Variants in GTF2A1 observed in about 807,000 individuals in gnomAD.
The protein encoded by GTF2A1 is transcription initiation factor IIA subunit 1.
A neutral mutation model predicts 54.1 loss-of-function variants in GTF2A1; 12 were observed. That is an observed-to-expected ratio of 0.22 (90% CI 0.14 to 0.36). The LOEUF (loss-of-function observed/expected upper bound fraction) is 0.36, where lower values mean the gene tolerates loss of function less well. Ranked by LOEUF, GTF2A1 falls within the 10% of genes least tolerant of loss-of-function variation. The pLI is 1.00. For synonymous variants in GTF2A1, 145 were observed against 152.0 expected (o/e 0.95, Z 0.34); for missense variants, 335 against 442.2 (o/e 0.76, Z 2.17).
At chr14:81,207,842 G>A (rs1298638357) in intron 2 of GTF2A1, among the ~76,000 whole-genome samples, 2 of 152,220 alleles carry the variant, frequency 1.3e-5, no homozygotes, top group African/African-American at 4.8e-5. Context: ...AGAGATTTGT[G>A]GAACTTTGAA....
chr14:81,207,530 C>A (rs1467043576), intron 2 of GTF2A1, among the ~76,000 whole-genome samples: 1 of 152,024 alleles, frequency 6.6e-6, no homozygotes. Context: ...TAAACTGGTA[C>A]CAGTAGAGTC....
intron 2 of GTF2A1, among the ~76,000 whole-genome samples, chr14:81,204,457 C>T (rs1310206946): frequency 1.3e-5 from 2 of 152,038 alleles, no homozygotes; most frequent in Non-Finnish European, 2.9e-5. Flanking sequence ...AAAACCATTA[C>T]TAAACTATTT....
intron 7 of GTF2A1, among the ~76,000 whole-genome samples, chr14:81,187,395 A>G (rs1892774465): frequency 6.6e-6 from 1 of 152,164 alleles, no homozygotes. Flanking sequence ...ATTCAAGTTA[A>G]CAACATTCAC....
chr14:81,216,891 G>A (rs1427496389), intron 1 of GTF2A1, among the ~76,000 whole-genome samples: 1 of 152,136 alleles, frequency 6.6e-6, no homozygotes, highest in Non-Finnish European at 1.5e-5. Context: ...CCTCACCACT[G>A]TATCTTAGAC....
chr14:81,211,675 T>C (rs534542878), intron 2 of GTF2A1, among the ~76,000 whole-genome samples: 5 of 151,974 alleles, frequency 3.3e-5, no homozygotes, highest in African/African-American at 9.7e-5. Flanking sequence ...CCTGGCAACA[T>C]GGTGGGCTAG....
intron 8 of GTF2A1, 42 bp from the exon 9 acceptor site, chr14:81,180,372 G>A (rs1330615770): frequency 2.4e-6 from 2 of 827,198 alleles, no homozygotes; most frequent in African/African-American, 1.7e-5. Flanking sequence ...GATACAATCA[G>A]AAAACAGAGA....
At chr14:81,208,741 C>T (rs1595226890) in intron 2 of GTF2A1, among the ~76,000 whole-genome samples, 2 of 152,242 alleles carry the variant, frequency 1.3e-5, no homozygotes, top group East Asian at 3.9e-4. Flanking sequence ...CCACCTCTTG[C>T]ATCAGCATGA....
At chr14:81,219,023 A>G (rs1189381478) in intron 1 of GTF2A1, among the ~76,000 whole-genome samples, 1 of 152,130 alleles carries the variant, frequency 6.6e-6, no homozygotes, top group Admixed American at 6.6e-5. Flanking sequence ...CTCTGCAGCT[A>G]ACATTTTCCA....
chr14:81,211,875 TTATATA>T lies in GTF2A1; in HGVS notation c.132+4532_132+4537del, dbSNP rs757044041. 2.6e-3 allele frequency among the ~76,000 whole-genome samples: 179 copies of T among 68,494 alleles called. 6 individuals carry two copies. Among genetic ancestry groups the T allele is most frequent in the African/African-American group, 7.2e-3 (142 of 19,832 alleles). The allele number at this position is 68,494 out of a possible 152,430, so 44.9% of individuals were successfully genotyped here. On this transcript the variant is annotated intron_variant, in intron 2 of 8. Coordinates refer to ENST00000553612, the MANE Select transcript of GTF2A1 (RefSeq NM_015859.4). The stretch of plus-strand genomic sequence containing the variant: ...ACATAATTAGAGTGTATCAAGTACT[TTATATA>T]TATATATATATATATATATATATAT...
At chr14:81,201,800 A>G (rs1893117261) in intron 3 of GTF2A1, 142 bp from the exon 4 acceptor site, 1 of 637,184 alleles carries the variant, frequency 1.6e-6, no homozygotes. Flanking sequence ...ATTTCATCTC[A>G]GGACATTATA....
At chr14:81,214,166 T>C (rs1320871542) in intron 2 of GTF2A1, among the ~76,000 whole-genome samples, 1 of 152,202 alleles carries the variant, frequency 6.6e-6, no homozygotes, top group Non-Finnish European at 1.5e-5. Flanking sequence ...GCAATCAAGG[T>C]AAGATTTGCA....
chr14:81,197,019 G>A (rs2140157789), intron 5 of GTF2A1, among the ~76,000 whole-genome samples: 1 of 152,266 alleles, frequency 6.6e-6, no homozygotes, highest in Middle Eastern at 3.4e-3. Flanking sequence ...GAGATACTAT[G>A]TATAATAATA....
chr14:81,209,930 T>G (rs1221888763), intron 2 of GTF2A1: 3 of 1,264,612 alleles, frequency 2.4e-6, no homozygotes, highest in Non-Finnish European at 3.1e-6. Flanking sequence ...ACTGTCTTAT[T>G]CAGGATCTAA....
intron 2 of GTF2A1, among the ~76,000 whole-genome samples, chr14:81,216,007 C>T (rs910185034): frequency 6.6e-6 from 1 of 152,054 alleles, no homozygotes; most frequent in Non-Finnish European, 1.5e-5. Flanking sequence ...GCGACAGAGC[C>T]CGACCCTGTC....
chr14:81,207,139 G>GTACGTACC (rs985414261), intron 2 of GTF2A1, among the ~76,000 whole-genome samples: 1 of 147,780 alleles, frequency 6.8e-6, no homozygotes, highest in Non-Finnish European at 1.5e-5. Flanking sequence ...ACCTACCTAC[G>GTACGTACC]TACCTACCTA....
intron 2 of GTF2A1, among the ~76,000 whole-genome samples, chr14:81,206,869 C>T (rs1417373931): frequency 4.6e-5 from 7 of 151,490 alleles, no homozygotes. Flanking sequence ...TTTTTGTAAA[C>T]AAAATAGAAC....
intron 2 of GTF2A1, among the ~76,000 whole-genome samples, chr14:81,206,527 C>T (rs1467174054): frequency 6.6e-6 from 1 of 152,184 alleles, no homozygotes; most frequent in African/African-American, 2.4e-5. Flanking sequence ...CGGACACTTG[C>T]CCTTCCAATC....
intron 1 of GTF2A1, 113 bp downstream of exon 1, chr14:81,220,376 G>C: frequency 3.8e-6 from 2 of 520,150 alleles, no homozygotes; most frequent in Non-Finnish European, 5.8e-6. Context: ...CGGCGGCCGC[G>C]CGGGCGGCTG....
intron 3 of GTF2A1, among the ~76,000 whole-genome samples, chr14:81,202,450 G>A (rs1278303456): frequency 1.3e-5 from 2 of 152,034 alleles, no homozygotes; most frequent in Admixed American, 1.3e-4. Context: ...CAAATCAGCC[G>A]GGTGCAGGGA....
Sources: gnomAD v4.1 joint callset for allele counts (sites outside exome capture counted in the v4.1 genomes callset) on GRCh38, gnomAD v4.1.1 for gene constraint, MANE v1.5 for transcripts, NCBI Gene and HGNC (gene_info 2026-07-23, HGNC 2026-07-21) for gene names.